The following CUX2 variants were observed in gnomAD, a reference collection of about 807,000 sequenced individuals.
CUX2 encodes the protein cut like homeobox 2.
A neutral mutation model predicts 144.8 loss-of-function variants in CUX2; 40 were observed. That is an observed-to-expected ratio of 0.28 (90% CI 0.21 to 0.36). CUX2 has a LOEUF of 0.36. Ranked by LOEUF, CUX2 falls within the 10% of genes least tolerant of loss-of-function variation. The pLI is 1.00. For synonymous variants in CUX2, 827 were observed against 875.6 expected (o/e 0.94, Z 0.98); for missense variants, 1,615 against 1,994.0 (o/e 0.81, Z 3.62).
chr12:111,125,019 G>T (rs75838884), intron 1 of CUX2, among the ~76,000 whole-genome samples: 4,621 of 152,240 alleles, frequency 0.03, 236 homozygotes, highest in African/African-American at 0.11. Flanking sequence ...AGACAGGAGG[G>T]CAGGAGAAGT....
intron 9 of CUX2, among the ~76,000 whole-genome samples, chr12:111,302,302 G>T (rs1174872229): frequency 6.6e-6 from 1 of 152,088 alleles, no homozygotes; most frequent in Non-Finnish European, 1.5e-5. Context: ...ATACCCTCAT[G>T]ATGTTAACAA....
chr12:111,151,691 G>A (rs1187949956), intron 1 of CUX2, among the ~76,000 whole-genome samples: 1 of 152,150 alleles, frequency 6.6e-6, no homozygotes, highest in African/African-American at 2.4e-5. Flanking sequence ...CTGAGGGACA[G>A]CCAGAGAGGG....
Position 111,304,281 on chromosome 12 carries a change from C to T in CUX2, c.825C>T (p.Arg275=). ...EQLASVNSSI[R]LACCSPQGPS... Reference sequence around the variant, plus strand: ...TGGCCTCTGTCAACAGCTCCATCCGCCTGGCTTGCTGCTCTCCCCAGGGGC... The same window carrying T: ...TGGCCTCTGTCAACAGCTCCATCCGTCTGGCTTGCTGCTCTCCCCAGGGGC... The change falls in exon 10 of 22, where the codon CGC becomes CGT. Residue 275 remains arginine (R), a synonymous_variant. Transcript: ENST00000261726. This position sits in a 1 kb window ranked among gnomAD's most constrained non-coding sequence, Gnocchi z 4.7. The T allele has an allele frequency of 1.5e-5, 24 of 1,613,954 alleles. No individual in the cohort carries two copies. Among genetic ancestry groups the T allele is most frequent in the Non-Finnish European group, 2.0e-5 (24 of 1,179,964 alleles).
chr12:111,290,934 C>G (rs927545134), intron 4 of CUX2, among the ~76,000 whole-genome samples: 4 of 151,626 alleles, frequency 2.6e-5, no homozygotes, highest in African/African-American at 9.7e-5. Flanking sequence ...GTGATCTCAG[C>G]TCACTGCAAT....
chr12:111,223,316 G>A (rs561493443), intron 3 of CUX2, among the ~76,000 whole-genome samples: 56 of 152,314 alleles, frequency 3.7e-4, no homozygotes, highest in African/African-American at 1.1e-3. Flanking sequence ...AAGGGAGGCC[G>A]TCGGTTCCAT....
chr12:111,140,240 C>A (rs1039931635), intron 1 of CUX2, among the ~76,000 whole-genome samples: 6 of 152,120 alleles, frequency 3.9e-5, no homozygotes, highest in Non-Finnish European at 7.4e-5. Context: ...TCTGAGGACC[C>A]CTGCAAGGCT....
At chr12:111,219,045 A>C (rs1881704711) in intron 3 of CUX2, among the ~76,000 whole-genome samples, 1 of 152,196 alleles carries the variant, frequency 6.6e-6, no homozygotes. Flanking sequence ...GCAGGACCCC[A>C]GAAGGATTGG....
At chr12:111,208,648 A>T (rs1026961640) in intron 1 of CUX2, among the ~76,000 whole-genome samples, 1 of 152,130 alleles carries the variant, frequency 6.6e-6, no homozygotes, top group Non-Finnish European at 1.5e-5. Flanking sequence ...GATATGATTC[A>T]TATTTACTGA....
intron 1 of CUX2, among the ~76,000 whole-genome samples, chr12:111,100,598 T>C (rs1873163710): frequency 6.6e-6 from 1 of 152,192 alleles, no homozygotes; most frequent in Admixed American, 6.5e-5. Flanking sequence ...TGTGTAAGCA[T>C]GAGTGTACAC....
intron 1 of CUX2, among the ~76,000 whole-genome samples, chr12:111,158,508 C>T (rs1234154367): frequency 6.8e-6 from 1 of 147,738 alleles, no homozygotes; most frequent in Non-Finnish European, 1.5e-5. Flanking sequence ...TGATCAGACA[C>T]TTGGAGAAAG....
intron 1 of CUX2, among the ~76,000 whole-genome samples, chr12:111,086,935 A>G (rs79568004): frequency 0.014 from 2,078 of 152,262 alleles, 50 homozygotes; most frequent in African/African-American, 0.047. Flanking sequence ...AAATCTGAGA[A>G]TGGTGCCAAA....
chr12:111,262,379 C>CT (rs5800924), intron 3 of CUX2, among the ~76,000 whole-genome samples: 96,804 of 139,672 alleles, frequency 0.69, 33,946 homozygotes, highest in Non-Finnish European at 0.78. Context: ...TGTAATGGAT[C>CT]TTTTTTTTTT....
At chr12:111,242,633 G>A (rs1432569533) in intron 3 of CUX2, among the ~76,000 whole-genome samples, 1 of 152,126 alleles carries the variant, frequency 6.6e-6, no homozygotes, top group Non-Finnish European at 1.5e-5. Context: ...GGCCAACATG[G>A]TGAAACCCCA....
At chr12:111,107,524 A>G (rs1280682843) in intron 1 of CUX2, among the ~76,000 whole-genome samples, 1 of 152,254 alleles carries the variant, frequency 6.6e-6, no homozygotes, top group African/African-American at 2.4e-5. Context: ...GGGAGGGCCC[A>G]GTGCTGCAGT....
intron 9 of CUX2, among the ~76,000 whole-genome samples, chr12:111,303,462 C>T (rs1460751950): frequency 6.6e-6 from 1 of 151,672 alleles, no homozygotes; most frequent in Non-Finnish European, 1.5e-5. Flanking sequence ...ATGGTGAAAC[C>T]CCACCTCTAC....
rs115604281 is a variant in CUX2 at position 111,291,363 on chromosome 12, C to T, written c.302-55C>T. 1,172 of 1,532,960 alleles carry T rather than the reference C, an allele frequency of 7.6e-4. 7 individuals are homozygous for T. In the African/African-American group the frequency reaches 0.015, roughly 19 times the overall value. 95.0% of individuals were successfully genotyped at this position (1,532,960 alleles called of 1,614,324 possible). A position where few individuals can be genotyped will look rare whatever the true frequency, so the allele number is the denominator to read the frequency against. Reference sequence around the variant, plus strand: ...CCTGCCAGGCCCTGCAGCCACAGCCCGGGTGTCCCTATCCATCAGGCCCTC... The same window carrying T: ...CCTGCCAGGCCCTGCAGCCACAGCCTGGGTGTCCCTATCCATCAGGCCCTC... On this transcript the variant is annotated intron_variant, in intron 4 of 21. Coordinates refer to ENST00000261726, the MANE Select transcript of CUX2 (RefSeq NM_015267.4).
At chr12:111,102,037 A>G (rs1055637771) in intron 1 of CUX2, among the ~76,000 whole-genome samples, 6 of 152,244 alleles carry the variant, frequency 3.9e-5, no homozygotes, top group Non-Finnish European at 7.3e-5. Flanking sequence ...CTGTCGGCAC[A>G]CAATATCCTC....
chr12:111,341,680 T>C, intron 20 of CUX2, 100 bp from the exon 21 acceptor site: 5 of 1,379,868 alleles, frequency 3.6e-6, no homozygotes, highest in Non-Finnish European at 4.9e-6. Flanking sequence ...GGCCTCCGAG[T>C]GGGCCTGACA....
In CUX2 at chr12:111,162,641, G is replaced by A. The variant is rs116556951; in HGVS notation, c.64-51559G>A. ...ATTGACTACTTGTTTTAGCAAGTGC[G>A]TGTATGTTTCTTGAACCCATAATTG... is the stretch of plus-strand genomic sequence containing the variant. On this transcript the variant is annotated intron_variant, in intron 1 of 21. Coordinates refer to ENST00000261726, the MANE Select transcript of CUX2 (RefSeq NM_015267.4). 4.6e-3 allele frequency among the ~76,000 whole-genome samples: 697 copies of A among 152,336 alleles called. 2 individuals carry two copies. Among genetic ancestry groups the A allele is most frequent in the African/African-American group, 0.015 (638 of 41,588 alleles).
Sources: allele counts gnomAD v4.1 joint callset (sites outside exome capture counted in the v4.1 genomes callset), GRCh38; gene constraint gnomAD v4.1.1; non-coding constraint Gnocchi (gnomAD v3.1); transcripts MANE v1.5; gene names NCBI Gene and HGNC (gene_info 2026-07-23, HGNC 2026-07-21).